Variants in PCDH9 observed in about 807,000 individuals in gnomAD.
The protein encoded by PCDH9 is protocadherin 9, also known as protocadherin-9.
A neutral mutation model predicts 70.6 loss-of-function variants in PCDH9; 24 were observed. The ratio of observed to expected loss-of-function variants is 0.34; its 90% CI spans 0.25 to 0.48. PCDH9 has a LOEUF of 0.48. Ranked by LOEUF, PCDH9 falls within the 20% of genes least tolerant of loss-of-function variation. The pLI, the probability that PCDH9 is intolerant of heterozygous loss-of-function variation, is 0.99. For missense variants in PCDH9, 1,281 were observed against 1,503.6 expected, an observed-to-expected ratio of 0.85 and a Z score of 2.45; for synonymous variants, 562 against 558.5, an observed-to-expected ratio of 1.01 and a Z score of -0.09.
At chr13:66,425,728 C>A (rs1957657188) in intron 4 of PCDH9, among the ~76,000 whole-genome samples, 1 of 151,682 alleles carries the variant, frequency 6.6e-6, no homozygotes, top group South Asian at 2.1e-4. Context: ...AGGTACAGAA[C>A]AAACCTTTGG....
intron 4 of PCDH9, among the ~76,000 whole-genome samples, chr13:66,419,679 G>T (rs370299420): frequency 6.6e-6 from 1 of 151,980 alleles, no homozygotes; most frequent in Non-Finnish European, 1.5e-5. Context: ...GATTCCCTCC[G>T]GTGCCTACAT....
At chr13:66,375,335 T>C (rs1956729345) in intron 4 of PCDH9, among the ~76,000 whole-genome samples, 1 of 152,076 alleles carries the variant, frequency 6.6e-6, no homozygotes, top group African/African-American at 2.4e-5. Flanking sequence ...TTGAATCAGA[T>C]CTTTTGTGAT....
chr13:66,574,746 A>T (rs2076788195), intron 4 of PCDH9, among the ~76,000 whole-genome samples: 2 of 152,186 alleles, frequency 1.3e-5, no homozygotes, highest in African/African-American at 4.8e-5. Flanking sequence ...CTAGCCAGTC[A>T]TTCTCGCCCT....
chr13:66,552,775 A>C (rs1035727822), intron 4 of PCDH9, among the ~76,000 whole-genome samples: 15 of 152,128 alleles, frequency 9.9e-5, no homozygotes, highest in African/African-American at 3.6e-4. Flanking sequence ...AAGATGAGGA[A>C]TGTACTAGTC....
At chr13:66,570,347 C>T (rs2138740451) in intron 4 of PCDH9, among the ~76,000 whole-genome samples, 2 of 152,128 alleles carry the variant, frequency 1.3e-5, no homozygotes, top group Middle Eastern at 6.8e-3. Flanking sequence ...AGCATTTTGA[C>T]TACTTTGGTG....
At chr13:66,981,602 T>TA (rs1459468567) in intron 2 of PCDH9, among the ~76,000 whole-genome samples, 1 of 152,034 alleles carries the variant, frequency 6.6e-6, no homozygotes, top group African/African-American at 2.4e-5. Context: ...TCCTATTAAT[T>TA]ATACAATTTC....
chr13:67,204,334 CA>C (rs2089287890), intron 2 of PCDH9: 1 of 152,092 alleles, frequency 6.6e-6, no homozygotes, highest in South Asian at 2.1e-4. Flanking sequence ...TTTCTCTTTT[CA>C]ATCATTTTCT....
At chr13:66,524,566 T>C (rs1960133987) in intron 4 of PCDH9, among the ~76,000 whole-genome samples, 1 of 152,032 alleles carries the variant, frequency 6.6e-6, no homozygotes, top group African/African-American at 2.4e-5. Flanking sequence ...AAGGGGGGTG[T>C]TAATAATAAC....
chr13:66,461,213 T>C (rs1226226299), intron 4 of PCDH9, among the ~76,000 whole-genome samples: 1 of 151,846 alleles, frequency 6.6e-6, no homozygotes, highest in Non-Finnish European at 1.5e-5. Flanking sequence ...TAGTTATTCA[T>C]TGATGTGGAA....
intron 3 of PCDH9, among the ~76,000 whole-genome samples, chr13:66,857,969 G>A (rs1188799804): frequency 6.6e-6 from 1 of 152,150 alleles, no homozygotes; most frequent in Admixed American, 6.6e-5. Flanking sequence ...CCTACCTTGC[G>A]CCTAATAACC....
intron 2 of PCDH9, among the ~76,000 whole-genome samples, chr13:67,044,981 C>T (rs999205478): frequency 1.3e-5 from 2 of 152,018 alleles, no homozygotes; most frequent in African/African-American, 2.4e-5. Context: ...AGAGATTGCA[C>T]AAACATAGAA....
At chr13:67,142,987 C>A (rs1302120633) in intron 2 of PCDH9, among the ~76,000 whole-genome samples, 1 of 151,314 alleles carries the variant, frequency 6.6e-6, no homozygotes, top group East Asian at 1.9e-4. Flanking sequence ...CCAGCCTGGG[C>A]AACAGAGCTA....
chr13:67,084,573 C>A (rs1393395533), intron 2 of PCDH9, among the ~76,000 whole-genome samples: 1 of 152,090 alleles, frequency 6.6e-6, no homozygotes. Flanking sequence ...GACTTCCTTG[C>A]TTGGTGACCT....
chr13:66,379,556 T>C (rs530230228), intron 4 of PCDH9, among the ~76,000 whole-genome samples: 109 of 152,252 alleles, frequency 7.2e-4, no homozygotes, highest in Non-Finnish European at 1.1e-3. Context: ...CAATTCTGCA[T>C]AAATAAATGA....
At chr13:67,156,111 C>T (rs1355990370) in intron 2 of PCDH9, among the ~76,000 whole-genome samples, 1 of 152,028 alleles carries the variant, frequency 6.6e-6, no homozygotes, top group Admixed American at 6.6e-5. Context: ...TGGTCCCTGG[C>T]TAGGGCTCCA....
chr13:66,634,002 T>C (rs904721511), intron 3 of PCDH9, among the ~76,000 whole-genome samples: 1 of 152,250 alleles, frequency 6.6e-6, no homozygotes, highest in Non-Finnish European at 1.5e-5. Context: ...TTTCCAAAAC[T>C]ATTTCAAATA....
chr13:66,375,491 C>T (rs1956732279), intron 4 of PCDH9, among the ~76,000 whole-genome samples: 2 of 152,072 alleles, frequency 1.3e-5, no homozygotes, highest in Admixed American at 6.6e-5. Context: ...TACCTATATA[C>T]TTTAATGCAA....
intron 4 of PCDH9, among the ~76,000 whole-genome samples, chr13:66,440,262 T>A (rs1259276625): frequency 6.6e-6 from 1 of 152,170 alleles, no homozygotes; most frequent in Non-Finnish European, 1.5e-5. Flanking sequence ...CAGATAATTT[T>A]CCTTACACAC....
chr13:66,517,360 G>C (rs866607743), intron 4 of PCDH9, among the ~76,000 whole-genome samples: 1 of 152,130 alleles, frequency 6.6e-6, no homozygotes, highest in Non-Finnish European at 1.5e-5. Context: ...TTTAGCTTAA[G>C]AGATCACCAG....
Sources: allele counts gnomAD v4.1 joint callset (sites outside exome capture counted in the v4.1 genomes callset), GRCh38; gene constraint gnomAD v4.1.1; transcripts MANE v1.5; gene names NCBI Gene and HGNC (gene_info 2026-07-23, HGNC 2026-07-21).